EIF3H: variants seen among roughly 807,000 people sequenced by gnomAD.
EIF3H encodes the protein eIF-3-gamma.
Under a neutral mutation model 44.2 loss-of-function variants are expected in EIF3H, and 26 were observed. That is an observed-to-expected ratio of 0.59 (90% CI 0.43 to 0.82). The LOEUF is 0.82. Among genes scored for constraint, EIF3H ranks in the 40% least tolerant of loss-of-function variants. EIF3H has a pLI of 0.00. For missense variants in EIF3H, 359 were observed against 432.8 expected (o/e 0.83, Z 1.51); for synonymous variants, 166 against 151.9 (o/e 1.09, Z -0.68).
chr8:116,764,607 G>C (rs1184100365), intron 1 of EIF3H, among the ~76,000 whole-genome samples: 1 of 152,186 alleles, frequency 6.6e-6, no homozygotes, highest in Admixed American at 6.5e-5. Flanking sequence ...AGCACACTAA[G>C]AGCTTTTTCT....
chr8:116,727,853 A>G (rs1814876046), intron 1 of EIF3H, among the ~76,000 whole-genome samples: 1 of 152,122 alleles, frequency 6.6e-6, no homozygotes, highest in Admixed American at 6.6e-5. Flanking sequence ...CTGCTTTTCT[A>G]ATGAACTTTG....
chr8:116,725,042 C>T (rs1020444372), intron 2 of EIF3H, among the ~76,000 whole-genome samples: 2 of 152,170 alleles, frequency 1.3e-5, no homozygotes, highest in South Asian at 4.1e-4. Context: ...ACTTCCATCG[C>T]CAGATGGCTG....
intron 2 of EIF3H, among the ~76,000 whole-genome samples, chr8:116,673,304 C>T (rs983478260): frequency 6.6e-6 from 1 of 152,160 alleles, no homozygotes; most frequent in Non-Finnish European, 1.5e-5. Flanking sequence ...AAGAAACACA[C>T]TATATCTAAA....
rs1474361719 is a variant in EIF3H, at chr8:116,643,926, A to G, written c.*1080T>C. On this transcript the variant is annotated 3_prime_UTR_variant, in exon 8 of 8. Transcript: ENST00000521861. ...TTATCTTTAAAATATAAAAATTACT[A>G]AAATATGTTTTTCCCAATGTACTAC... 4 of 152,212 alleles carry G rather than the reference A, an allele frequency of 2.6e-5. No homozygotes were observed. The highest frequency in any genetic ancestry group is 4.1e-4 in the South Asian group (2 of 4,830). 9.4% of individuals were successfully genotyped at this position (152,212 alleles called of 1,614,324 possible).
intron 5 of EIF3H, among the ~76,000 whole-genome samples, chr8:116,654,981 T>A (rs1563633503): frequency 6.6e-6 from 1 of 152,066 alleles, no homozygotes; most frequent in Admixed American, 6.6e-5. Flanking sequence ...TCCAAACTGG[T>A]TGCTTAAGAA....
At chr8:116,700,945 A>C (rs1055164642) in intron 2 of EIF3H, among the ~76,000 whole-genome samples, 2 of 152,220 alleles carry the variant, frequency 1.3e-5, no homozygotes, top group Middle Eastern at 3.2e-3. Flanking sequence ...AGCTATCTTT[A>C]ATCATAAAGT....
At chr8:116,731,828 C>CCATGAATTATGCCT (rs987816358) in intron 1 of EIF3H, among the ~76,000 whole-genome samples, 3 of 152,288 alleles carry the variant, frequency 2.0e-5, no homozygotes, top group Admixed American at 1.3e-4. Context: ...GAGGATTCTT[C>CCATGAATTATGCCT]CATGAATTAT....
intron 3 of EIF3H, 155 bp downstream of exon 3, chr8:116,658,658 T>C (rs1399980146): frequency 9.3e-6 from 6 of 645,252 alleles, no homozygotes; most frequent in African/African-American, 1.9e-5. Flanking sequence ...AAGGAAACCC[T>C]GTCTAGACTG....
chr8:116,650,277 G>T (rs186525806), intron 5 of EIF3H, among the ~76,000 whole-genome samples: 2 of 152,154 alleles, frequency 1.3e-5, no homozygotes, highest in African/African-American at 2.4e-5. Flanking sequence ...TCATACACTG[G>T]GAGGGAAGGT....
intron 1 of EIF3H, among the ~76,000 whole-genome samples, chr8:116,739,969 C>G (rs1397077672): frequency 6.7e-6 from 1 of 148,472 alleles, no homozygotes; most frequent in Non-Finnish European, 1.5e-5. Flanking sequence ...ATAAAAATTA[C>G]TCACTAGAAA....
At chr8:116,647,246 C>A (rs553738756) in intron 6 of EIF3H, among the ~76,000 whole-genome samples, 7 of 151,968 alleles carry the variant, frequency 4.6e-5, no homozygotes, top group Non-Finnish European at 5.9e-5. Context: ...GGGTTACAGG[C>A]GCCCACCACC....
intron 2 of EIF3H, among the ~76,000 whole-genome samples, chr8:116,661,636 T>C (rs943586486): frequency 6.6e-6 from 1 of 152,232 alleles, no homozygotes; most frequent in Non-Finnish European, 1.5e-5. Context: ...GCCTCCAGCA[T>C]GCATTATGAT....
At position 116,644,204 on chromosome 8, in the gene EIF3H, A is replaced by C. The variant is rs977134716; in HGVS notation, c.*802T>G. On this transcript the variant is annotated 3_prime_UTR_variant, in exon 8 of 8. Transcript: ENST00000521861. ...CAGGAGATGCAGACCAGCCTGGCCA[A>C]CATGGTGAAACCCCATCTCTACTAA... 3 of 152,336 alleles carry C rather than the reference A, an allele frequency of 2.0e-5. No individual in the cohort carries two copies. The highest frequency in any genetic ancestry group is 6.5e-5 in the Admixed American group (1 of 15,282). 9.4% of individuals were successfully genotyped at this position (152,336 alleles called of 1,614,324 possible).
rs556750353 is a variant in EIF3H, at chr8:116,722,589, G to A, written c.289+3427C>T. Among the ~76,000 whole-genome samples, 18 of 152,194 alleles carry A rather than the reference G, an allele frequency of 1.2e-4. No individual in the cohort carries two copies. The South Asian group carries it at 3.7e-3, about 32-fold the overall frequency. On this transcript the variant is annotated intron_variant, in intron 2 of 7. Coordinates refer to ENST00000521861, the MANE Select transcript of EIF3H (RefSeq NM_003756.3). ...TGTATGTATCTTTTATCAGTATGTA[G>A]TATTATATTTTTTTAAATTTCACAC...
chr8:116,691,373 G>C (rs1224574329), intron 2 of EIF3H, among the ~76,000 whole-genome samples: 3 of 152,064 alleles, frequency 2.0e-5, no homozygotes, highest in Non-Finnish European at 4.4e-5. Context: ...GGGAGGTGCT[G>C]GGTATTACTC....
At chr8:116,731,111 C>A (rs539280241) in intron 1 of EIF3H, among the ~76,000 whole-genome samples, 1 of 152,268 alleles carries the variant, frequency 6.6e-6, no homozygotes, top group African/African-American at 2.4e-5. Flanking sequence ...AAAACACTCT[C>A]CTGTTATATT....
At chr8:116,762,206 G>A (rs1815524943) in intron 1 of EIF3H, among the ~76,000 whole-genome samples, 1 of 152,182 alleles carries the variant, frequency 6.6e-6, no homozygotes, top group Non-Finnish European at 1.5e-5. Flanking sequence ...CTGGCAAGTA[G>A]TTTTAACTTC....
At chr8:116,742,761 T>C (rs1815153243) in intron 1 of EIF3H, among the ~76,000 whole-genome samples, 1 of 152,188 alleles carries the variant, frequency 6.6e-6, no homozygotes, top group South Asian at 2.1e-4. Flanking sequence ...AAAGCAACTA[T>C]GATTGCCTCT....
chr8:116,685,795 G>A (rs544444264), intron 2 of EIF3H, among the ~76,000 whole-genome samples: 14 of 152,262 alleles, frequency 9.2e-5, no homozygotes, highest in African/African-American at 3.4e-4. Flanking sequence ...GCTTACTTCA[G>A]TATAAATTGC....
Sources: allele counts gnomAD v4.1 joint callset (sites outside exome capture counted in the v4.1 genomes callset), GRCh38; gene constraint gnomAD v4.1.1; transcripts MANE v1.5; gene names NCBI Gene and HGNC (gene_info 2026-07-23, HGNC 2026-07-21).